The following PDE4D variants were observed in gnomAD, a reference collection of about 807,000 sequenced individuals.
PDE4D encodes the protein 3',5'-cyclic-AMP phosphodiesterase 4D.
Under a neutral mutation model 87.4 loss-of-function variants are expected in PDE4D, and 24 were observed. That is an observed-to-expected ratio of 0.27 (90% CI 0.20 to 0.39). The LOEUF is 0.39. PDE4D is among the 10% of genes least tolerant of loss of function. PDE4D has a pLI of 1.00. For synonymous variants in PDE4D, 384 were observed against 383.2 expected (o/e 1.00, Z -0.02); for missense variants, 714 against 1,041.0 (o/e 0.69, Z 4.32).
intron 1 of PDE4D, among the ~76,000 whole-genome samples, chr5:59,436,805 G>A (rs1440747675): frequency 6.6e-6 from 1 of 152,104 alleles, no homozygotes; most frequent in African/African-American, 2.4e-5. Context: ...ACTATTAACT[G>A]TCATTGCCTC....
chr5:59,861,776 T>G (rs922186658), intron 1 of PDE4D, among the ~76,000 whole-genome samples: 2 of 152,210 alleles, frequency 1.3e-5, no homozygotes, highest in African/African-American at 4.8e-5. Flanking sequence ...AATATGCAGA[T>G]TCTCAAAATA....
rs992417948 is a variant in PDE4D at position 60,293,253 on chromosome 5, C to T, written c.-89-107566G>A. Among the ~76,000 whole-genome samples the T allele has an allele frequency of 2.0e-5, 3 of 151,912 alleles. 1 individual carries two copies. Among genetic ancestry groups the T allele is most frequent in the African/African-American group, 7.3e-5 (3 of 41,376 alleles). The stretch of plus-strand genomic sequence containing the variant: ...AATACTTAAAAAGATGTAACGCGGC[C>T]GGGCACTCATGCCTGTAATCCCAGC... On this transcript the variant is annotated intron_variant, in intron 1 of 16. Transcript: ENST00000502484.
rs1269404054 is a variant in PDE4D at position 59,306,575 on chromosome 5, A to T, written c.456-90607T>A. The stretch of plus-strand genomic sequence containing the variant: ...TCTTATACACCAATAACAGACAAAC[A>T]GAGAGCCAAATCATCAGTAAACTCC... On this transcript the variant is annotated intron_variant, in intron 1 of 14. Transcript: ENST00000340635. Among the ~76,000 whole-genome samples, 3 of 152,210 alleles carry T rather than the reference A, an allele frequency of 2.0e-5. No individual in the cohort carries two copies. The South Asian group carries it at 6.2e-4, about 31-fold the overall frequency.
chr5:60,040,913 G>A (rs775274698), intron 2 of PDE4D, among the ~76,000 whole-genome samples: 8 of 151,898 alleles, frequency 5.3e-5, no homozygotes, highest in African/African-American at 1.2e-4. Flanking sequence ...GAATTCTTTC[G>A]TAACTGTGTT....
At chr5:59,986,684 C>T (rs1175106021) in intron 3 of PDE4D, 1 of 152,192 alleles carries the variant, frequency 6.6e-6, no homozygotes, top group Non-Finnish European at 1.5e-5. Flanking sequence ...GCAGACCTGA[C>T]TTTCAGGAGT....
At chr5:59,812,838 C>T (rs1768519801) in intron 1 of PDE4D, among the ~76,000 whole-genome samples, 1 of 152,230 alleles carries the variant, frequency 6.6e-6, no homozygotes, top group Admixed American at 6.5e-5. Flanking sequence ...GCAGCTCAAA[C>T]AGCTGTCTCT....
chr5:59,737,864 C>T (rs1178712552), intron 1 of PDE4D, among the ~76,000 whole-genome samples: 1 of 152,000 alleles, frequency 6.6e-6, no homozygotes, highest in African/African-American at 2.4e-5. Flanking sequence ...ATCAACATAA[C>T]ATATAGAATC....
intron 1 of PDE4D, among the ~76,000 whole-genome samples, chr5:60,305,896 C>A (rs1181925759): frequency 6.6e-6 from 1 of 151,836 alleles, no homozygotes; most frequent in African/African-American, 2.4e-5. Context: ...TAAAGTCTAA[C>A]AAAACTCTCT....
intron 2 of PDE4D, among the ~76,000 whole-genome samples, chr5:60,062,700 T>C (rs1270898214): frequency 6.6e-6 from 1 of 151,984 alleles, no homozygotes; most frequent in Admixed American, 6.6e-5. Flanking sequence ...ATAAAGAAAA[T>C]GTGGTACATA....
chr5:59,916,994 G>A (rs1351118376), intron 3 of PDE4D, among the ~76,000 whole-genome samples: 1 of 142,688 alleles, frequency 7.0e-6, no homozygotes, highest in Non-Finnish European at 1.5e-5. Context: ...AGTAGAGAGG[G>A]GGTTTCATCA....
At chr5:59,723,275 T>C in intron 1 of PDE4D, among the ~76,000 whole-genome samples, 1 of 152,084 alleles carries the variant, frequency 6.6e-6, no homozygotes, top group East Asian at 1.9e-4. Context: ...GGTCCTCTAG[T>C]TTTCTCATGA....
At chr5:60,335,020 A>C (rs1757624005) in intron 1 of PDE4D, 1 of 152,210 alleles carries the variant, frequency 6.6e-6, no homozygotes, top group Non-Finnish European at 1.5e-5. Context: ...CTGTTCTAGG[A>C]GTATGAGCAG....
At chr5:60,417,568 C>A (rs768422043) in intron 1 of PDE4D, among the ~76,000 whole-genome samples, 7 of 152,234 alleles carry the variant, frequency 4.6e-5, no homozygotes, top group Admixed American at 2.6e-4. Flanking sequence ...TAAGTTGGAA[C>A]AATAGGCCAG....
At chr5:59,113,429 T>C (rs1773026011) in intron 5 of PDE4D, among the ~76,000 whole-genome samples, 1 of 152,256 alleles carries the variant, frequency 6.6e-6, no homozygotes, top group Admixed American at 6.5e-5. Flanking sequence ...ATTGATGGTA[T>C]GTTTTTTGCC....
At chr5:59,332,619 T>C (rs1776939452) in intron 1 of PDE4D, among the ~76,000 whole-genome samples, 1 of 152,230 alleles carries the variant, frequency 6.6e-6, no homozygotes, top group African/African-American at 2.4e-5. Context: ...TGGTCGACAA[T>C]TTGATTGGCT....
intron 3 of PDE4D, among the ~76,000 whole-genome samples, chr5:59,981,756 A>C (rs1384440750): frequency 6.6e-6 from 1 of 152,134 alleles, no homozygotes; most frequent in Non-Finnish European, 1.5e-5. Flanking sequence ...TTATATCCAA[A>C]TTATTTAAAA....
intron 5 of PDE4D, among the ~76,000 whole-genome samples, chr5:59,132,791 A>G (rs911898990): frequency 2.0e-5 from 3 of 152,208 alleles, no homozygotes; most frequent in Non-Finnish European, 4.4e-5. Context: ...CCTGATGTCA[A>G]CAAGATATAC....
At chr5:59,180,525 G>T in intron 5 of PDE4D, 70 bp downstream of exon 5, 1 of 1,238,082 alleles carries the variant, frequency 8.1e-7, no homozygotes, top group Non-Finnish European at 1.2e-6. Flanking sequence ...TGGTGTTGGT[G>T]TTATATTGAC....
intron 1 of PDE4D, among the ~76,000 whole-genome samples, chr5:60,198,951 G>T (rs1317129300): frequency 2.0e-5 from 3 of 151,662 alleles, no homozygotes; most frequent in African/African-American, 7.2e-5. Flanking sequence ...AGAGAAGCCT[G>T]TACTAATTCT....
Sources: allele counts gnomAD v4.1 joint callset (sites outside exome capture counted in the v4.1 genomes callset), GRCh38; gene constraint gnomAD v4.1.1; transcripts MANE v1.5; gene names NCBI Gene and HGNC (gene_info 2026-07-23, HGNC 2026-07-21).